Variants in PGK1 observed in about 807,000 individuals in gnomAD.
The protein encoded by PGK1 is PRP 2.
A neutral mutation model predicts 26.9 loss-of-function variants in PGK1; 3 were observed. That is an observed-to-expected ratio of 0.11 (90% CI 0.05 to 0.29). The LOEUF is 0.29. PGK1 is among the 10% of genes least tolerant of loss of function. The probability of loss-of-function intolerance (pLI) is 1.00; values close to 1 mark genes in which losing one functional copy is unlikely to be tolerated. For missense variants in PGK1, 270 were observed against 314.7 expected (o/e 0.86, Z 1.07); for synonymous variants, 125 against 115.3 (o/e 1.08, Z -0.54).
At chrX:78,111,987 G>A (rs2078303591) in intron 2 of PGK1, among the ~76,000 whole-genome samples, 1 of 112,059 alleles carries the variant, frequency 8.9e-6, no homozygotes, top group African/African-American at 3.2e-5. Flanking sequence ...ATATAAAGGA[G>A]TTCTTATATC....
In PGK1 at chrX:78,118,071, T is replaced by A. The variant is rs1364658474; in HGVS notation, c.542T>A (p.Leu181Gln). 4.1e-6 allele frequency: 5 copies of A among 1,204,989 alleles called. No individual in the cohort carries two copies. Among genetic ancestry groups the A allele is most frequent in the Non-Finnish European group, 5.6e-6 (5 of 891,823 alleles). ...TCTAGCTCCATGGTAGGAGTCAATC[T>A]GCCACAGAAGGCTGGTGGGTTTTTG... Reference protein sequence around the residue: ...RAHSSMVGVNLPQKAGGFLMK... With the variant: ...RAHSSMVGVNQPQKAGGFLMK... Residue 181 changes from leucine (L) to glutamine (Q), a missense_variant, in exon 6 of 11, where the codon CTG (leucine) becomes CAG (glutamine). Leu to Gln is a moderately radical substitution (Grantham distance 113). Transcript: ENST00000373316.
intron 4 of PGK1, among the ~76,000 whole-genome samples, chrX:78,116,969 G>A (rs190478515): frequency 1.5e-4 from 17 of 111,584 alleles, no homozygotes; most frequent in African/African-American, 5.2e-4. Context: ...TTTAAAATGA[G>A]GAACTAAGTC....
intron 2 of PGK1, among the ~76,000 whole-genome samples, chrX:78,112,897 A>T (rs1034094043): frequency 1.8e-5 from 2 of 112,535 alleles, no homozygotes; most frequent in South Asian, 7.3e-4. Context: ...TGAAAAATGC[A>T]GTAATTGTCT....
rs1315825951 is a variant in PGK1, at chrX:78,127,414, G to GGAGA, written c.*1588_*1591dup. On this transcript the variant is annotated 3_prime_UTR_variant, in exon 11 of 11. Coordinates refer to ENST00000373316, the MANE Select transcript of PGK1 (RefSeq NM_000291.4). The stretch of plus-strand genomic sequence containing the variant: ...TTCCTGTCCTTTTAATGGAGTTTTG[G>GGAGA]GAGAGAGCAGAGGTAAACATGATTT... 2.7e-5 allele frequency: 3 copies of GGAGA among 111,898 alleles called. No individual in the cohort carries two copies. The East Asian group carries it at 8.4e-4, about 31-fold the overall frequency. 9.2% of individuals were successfully genotyped at this position (111,898 alleles called of 1,213,427 possible). A position where few individuals can be genotyped will look rare whatever the true frequency, so the allele number is the denominator to read the frequency against.
At chrX:78,109,777 C>T (rs781842213) in intron 1 of PGK1, 90 bp from the exon 2 acceptor site, 4 of 641,192 alleles carry the variant, frequency 6.2e-6, no homozygotes, top group East Asian at 3.2e-5. Context: ...ATTTGAATTT[C>T]TGACTTATTT....
chrX:78,107,781 T>A (rs782446009), intron 1 of PGK1, among the ~76,000 whole-genome samples: 1 of 111,390 alleles, frequency 9.0e-6, no homozygotes, highest in East Asian at 2.8e-4. Context: ...CACGTCCTTT[T>A]GAGGTATCCC....
At chrX:78,111,429 G>T (rs1474716338) in intron 2 of PGK1, among the ~76,000 whole-genome samples, 1 of 112,220 alleles carries the variant, frequency 8.9e-6, no homozygotes, top group Non-Finnish European at 1.9e-5. Context: ...GCTTTCTAAT[G>T]ATCTAGACCA....
In PGK1 at chrX:78,125,848, G is replaced by C; in HGVS notation, c.*18G>C. 1 of 1,159,832 alleles carries C rather than the reference G, an allele frequency of 8.6e-7. No homozygotes were observed. Among genetic ancestry groups the C allele is most frequent in the Non-Finnish European group, 1.2e-6 (1 of 848,293 alleles). ...ATATTTAGTACTTTCCTGCCTTTTAGTTCCTGTGCACAGCCCCTAAGTCAA... is the reference window on the plus strand; with the variant it reads ...ATATTTAGTACTTTCCTGCCTTTTACTTCCTGTGCACAGCCCCTAAGTCAA... On this transcript the variant is annotated 3_prime_UTR_variant, in exon 11 of 11. Transcript: ENST00000373316.
intron 8 of PGK1, among the ~76,000 whole-genome samples, chrX:78,123,613 T>TTG (rs2078367783): frequency 1.0e-5 from 1 of 100,174 alleles, no homozygotes; most frequent in East Asian, 3.2e-4. Flanking sequence ...TGTTGTTGTT[T>TTG]TTTTTTTTTT....
In PGK1 at chrX:78,128,613, A is replaced by G. The variant is rs1337603767; in HGVS notation, c.*2783A>G. ...TTTGGAATTATGAATTATTGGTAAAATATTGCAAAGGTGTATGCTTTAAGT... is the reference window on the plus strand; with the variant it reads ...TTTGGAATTATGAATTATTGGTAAAGTATTGCAAAGGTGTATGCTTTAAGT... On this transcript the variant is annotated 3_prime_UTR_variant, in exon 11 of 11. Transcript: ENST00000373316. The G allele has an allele frequency of 8.9e-6, 1 of 112,527 alleles. No homozygotes were observed. Among genetic ancestry groups the G allele is most frequent in the Non-Finnish European group, 1.9e-5 (1 of 53,311 alleles). 9.3% of individuals were successfully genotyped at this position (112,527 alleles called of 1,213,427 possible).
intron 6 of PGK1, 32 bp from the exon 7 acceptor site, chrX:78,122,803 C>G (rs1234162808): frequency 3.5e-6 from 3 of 845,071 alleles, no homozygotes; most frequent in Non-Finnish European, 5.3e-6. Context: ...GTCCATTCTT[C>G]TTTAAGTGAT....
At chrX:78,123,447 C>A in intron 8 of PGK1, 73 bp downstream of exon 8, 2 of 835,038 alleles carry the variant, frequency 2.4e-6, no homozygotes, top group Non-Finnish European at 3.5e-6. Context: ...TTGATTCAGC[C>A]AATCAACAAG....
chrX:78,117,031 A>T lies in PGK1; in HGVS notation c.418-281A>T, dbSNP rs199900331. Among the ~76,000 whole-genome samples, 100 of 111,881 alleles carry T rather than the reference A, an allele frequency of 8.9e-4. No individual in the cohort carries two copies. In the East Asian group the frequency reaches 0.025, roughly 28 times the overall value. On this transcript the variant is annotated intron_variant, in intron 4 of 10. Transcript: ENST00000373316. ...TTGAGCTGAAGGCTGGGGAGAGGCT[A>T]GTGGGGTGTGGTTAACTTCATGTGA...
rs1603397912 is a variant in PGK1 at position 78,118,509 on chromosome X, G to A, written c.641+339G>A. On this transcript the variant is annotated intron_variant, in intron 6 of 10. Coordinates refer to ENST00000373316, the MANE Select transcript of PGK1 (RefSeq NM_000291.4). ...TGGGAGGATCACTTGAGCCTGGGAG[G>A]TAGAGGCTGCAGTGCACTGTGATCA... Among the ~76,000 whole-genome samples, 4 of 110,954 alleles carry A rather than the reference G, an allele frequency of 3.6e-5. No individual in the cohort carries two copies. In the East Asian group the frequency reaches 1.1e-3, roughly 31 times the overall value.
chrX:78,105,378 A>C (rs1388165724), intron 1 of PGK1, among the ~76,000 whole-genome samples: 4 of 111,981 alleles, frequency 3.6e-5, no homozygotes, highest in Non-Finnish European at 7.5e-5. Context: ...ATATACCTTA[A>C]CAGGATCCAA....
rs2078383394 is a variant in PGK1, at chrX:78,126,296, CTTTG to C, written c.*469_*472del. ...TGATTTTTTTTTTTTTCCTGTCATA[CTTTG>C]TTAGGAAGGGTGAGAATAGAATCTT... On this transcript the variant is annotated 3_prime_UTR_variant, in exon 11 of 11. Transcript: ENST00000373316. 7.5e-6 allele frequency: 1 copy of C among 134,088 alleles called. No homozygotes were observed. The highest frequency in any genetic ancestry group is 3.3e-5 in the African/African-American group (1 of 30,724). The allele number at this position is 134,088 out of a possible 1,213,427, so 11.1% of individuals were successfully genotyped here. A position where few individuals can be genotyped will look rare whatever the true frequency, so the allele number is the denominator to read the frequency against.
At chrX:78,109,830 A>G in intron 1 of PGK1, 37 bp from the exon 2 acceptor site, 3 of 1,013,101 alleles carry the variant, frequency 3.0e-6, no homozygotes, top group Non-Finnish European at 4.2e-6. Context: ...TTGATGGAAC[A>G]GTAAGTTGAT....
chrX:78,119,962 A>T (rs1164361589), intron 6 of PGK1, among the ~76,000 whole-genome samples: 1 of 111,531 alleles, frequency 9.0e-6, no homozygotes, highest in Non-Finnish European at 1.9e-5. Context: ...TTGTTCTTGG[A>T]AAAAGGTATC....
At chrX:78,125,274 C>T (rs1392697181) in intron 9 of PGK1, 53 bp from the exon 10 acceptor site, 48 of 986,484 alleles carry the variant, frequency 4.9e-5, no homozygotes, top group Non-Finnish European at 6.3e-5. Context: ...TGGTGCCAAT[C>T]CCTTTTTTTT....
Sources: allele counts gnomAD v4.1 joint callset (sites outside exome capture counted in the v4.1 genomes callset), GRCh38; gene constraint gnomAD v4.1.1; transcripts MANE v1.5; gene names NCBI Gene and HGNC (gene_info 2026-07-23, HGNC 2026-07-21).